RNF126: variants seen among roughly 807,000 people sequenced by gnomAD.
RNF126 encodes ring finger protein 126.
A neutral mutation model predicts 41.9 loss-of-function variants in RNF126; 20 were observed. The observed-to-expected ratio is 0.48, with a 90% confidence interval of 0.34 to 0.69. RNF126 has a LOEUF of 0.69. RNF126 is among the 30% of genes least tolerant of loss of function. The pLI is 0.01. For missense variants in RNF126, 433 were observed against 460.6 expected (o/e 0.94, Z 0.55); for synonymous variants, 239 against 202.9 (o/e 1.18, Z -1.51).
intron 1 of RNF126, among the ~76,000 whole-genome samples, chr19:653,276 G>A (rs543742781): frequency 5.2e-4 from 79 of 152,246 alleles, no homozygotes; most frequent in South Asian, 1.2e-3. Flanking sequence ...TTTCCAGGAC[G>A]CTCTGGCAGC....
At chr19:656,267 T>C (rs986266676) in intron 1 of RNF126, among the ~76,000 whole-genome samples, 2 of 152,040 alleles carry the variant, frequency 1.3e-5, no homozygotes, top group African/African-American at 4.8e-5. Flanking sequence ...CCAGGATCGC[T>C]TGAACCTGGG....
intron 1 of RNF126, among the ~76,000 whole-genome samples, chr19:657,505 C>T (rs1205029438): frequency 6.6e-6 from 1 of 152,226 alleles, no homozygotes; most frequent in Non-Finnish European, 1.5e-5. Context: ...ACAGCACTGT[C>T]CAGAACCCTC....
At chr19:649,215 C>T (rs1397124532) in intron 6 of RNF126, 14 of 91,548 alleles carry the variant, frequency 1.5e-4, no homozygotes, top group African/African-American at 3.1e-4. Flanking sequence ...TCCCTGACAG[C>T]GGAATGGGGG....
chr19:648,113 A>C lies in RNF126; in HGVS notation c.*15T>G. 3 of 1,555,522 alleles carry C rather than the reference A, an allele frequency of 1.9e-6. No homozygotes were observed. The highest frequency in any genetic ancestry group is 2.6e-6 in the Non-Finnish European group (3 of 1,146,306). On this transcript the variant is annotated 3_prime_UTR_variant, in exon 9 of 9. Coordinates refer to ENST00000292363, the MANE Select transcript of RNF126 (RefSeq NM_194460.3). ...GTGGGAAAGGCCCCGTGCTTTCCCG[A>C]CGGCCGACGTGGGCTCACGAGTTGC...
intron 4 of RNF126, 41 bp downstream of exon 4, chr19:651,570 A>G: frequency 7.2e-7 from 1 of 1,382,522 alleles, no homozygotes; most frequent in South Asian, 1.6e-5. Flanking sequence ...TTCCGACCTC[A>G]AGGCGTGGGG....
intron 5 of RNF126, among the ~76,000 whole-genome samples, chr19:649,973 G>A (rs2030193970): frequency 6.8e-6 from 1 of 147,688 alleles, no homozygotes; most frequent in South Asian, 2.1e-4. Flanking sequence ...ACCCTGGCTG[G>A]GGATGGGGAC....
Position 663,142 on chromosome 19 carries a change from C to G in RNF126, c.-21G>C. 8.5e-7 allele frequency: 1 copy of G among 1,176,316 alleles called. No individual in the cohort carries two copies. The highest frequency in any genetic ancestry group is 1.1e-6 in the Non-Finnish European group (1 of 945,918). The allele number at this position is 1,176,316 out of a possible 1,614,324, so 72.9% of individuals were successfully genotyped here. On this transcript the variant is annotated 5_prime_UTR_variant, in exon 1 of 9. Transcript: ENST00000292363. Reference sequence around the variant, plus strand: ...GCCATGGCCGCCGCCACCTACTCCGCGCCGCCCGCCCCCCGCGCGGCACCC... The same window carrying G: ...GCCATGGCCGCCGCCACCTACTCCGGGCCGCCCGCCCCCCGCGCGGCACCC...
At chr19:653,266 T>A (rs1600635436) in intron 1 of RNF126, among the ~76,000 whole-genome samples, 1 of 152,106 alleles carries the variant, frequency 6.6e-6, no homozygotes, top group African/African-American at 2.4e-5. Flanking sequence ...CACAGTGGCA[T>A]TTCCAGGACG....
intron 1 of RNF126, among the ~76,000 whole-genome samples, chr19:658,456 G>A (rs554759049): frequency 7.4e-4 from 113 of 152,258 alleles, no homozygotes; most frequent in South Asian, 4.8e-3. Flanking sequence ...ACCCCAGGGA[G>A]AGTCATGGTG....
chr19:661,725 TG>T lies in RNF126; in HGVS notation c.75+1321del, dbSNP rs1286447618. 6.6e-5 allele frequency among the ~76,000 whole-genome samples: 10 copies of T among 152,308 alleles called. No individual in the cohort carries two copies. In the South Asian group the frequency reaches 2.1e-3, roughly 32 times the overall value. On this transcript the variant is annotated intron_variant, in intron 1 of 8. Coordinates refer to ENST00000292363, the MANE Select transcript of RNF126 (RefSeq NM_194460.3). ...TACTCCCGGGGAACTGCACTGCTTC[TG>T]GGGGGCTTGGACTTCTCTTACGGGT...
intron 4 of RNF126, 28 bp from the exon 5 acceptor site, chr19:650,324 T>C (rs1374364963): frequency 3.2e-6 from 5 of 1,562,568 alleles, no homozygotes; most frequent in Non-Finnish European, 4.3e-6. Flanking sequence ...AGTCACGGGG[T>C]GAGGCCGCCC....
chr19:652,939 C>A (rs1600634881), intron 1 of RNF126, 55 bp from the exon 2 acceptor site: 5 of 1,537,132 alleles, frequency 3.3e-6, no homozygotes, highest in South Asian at 1.1e-5. Flanking sequence ...ACCTGCAAAC[C>A]CCCCCAAGTG....
chr19:652,211 G>A, intron 3 of RNF126, 22 bp downstream of exon 3: 1 of 1,509,602 alleles, frequency 6.6e-7, no homozygotes, highest in Admixed American at 2.8e-5. Flanking sequence ...CGATCGGGAA[G>A]CACGAGGGGC....
chr19:647,838 C>T lies in RNF126; in HGVS notation c.*290G>A, dbSNP rs925821017. 9.1e-5 allele frequency: 51 copies of T among 557,742 alleles called. No individual in the cohort carries two copies. Among genetic ancestry groups the T allele is most frequent in the Middle Eastern group, 4.8e-4 (1 of 2,076 alleles). 34.5% of individuals were successfully genotyped at this position (557,742 alleles called of 1,614,324 possible). A position where few individuals can be genotyped will look rare whatever the true frequency, so the allele number is the denominator to read the frequency against. On this transcript the variant is annotated 3_prime_UTR_variant, in exon 9 of 9. Transcript: ENST00000292363. ...GCTCAAACGTCCGTTTATTTCAAAGCAGTAATAATTTAAAATTATAAAAAT... is the reference window on the plus strand; with the variant it reads ...GCTCAAACGTCCGTTTATTTCAAAGTAGTAATAATTTAAAATTATAAAAAT...
intron 1 of RNF126, among the ~76,000 whole-genome samples, chr19:654,162 T>C (rs2030455212): frequency 6.6e-6 from 1 of 152,126 alleles, no homozygotes; most frequent in Non-Finnish European, 1.5e-5. Flanking sequence ...CTCCTGCCAC[T>C]GAAGCACAGG....
In RNF126 at chr19:652,484, T is replaced by C. The variant is rs2030357697; in HGVS notation, c.135-188A>G. The C allele has an allele frequency of 6.5e-6, 4 of 614,788 alleles. No individual in the cohort carries two copies. The Admixed American group carries it at 1.3e-4, about 20-fold the overall frequency. The allele number at this position is 614,788 out of a possible 1,614,324, so 38.1% of individuals were successfully genotyped here. A position where few individuals can be genotyped will look rare whatever the true frequency, so the allele number is the denominator to read the frequency against. On this transcript the variant is annotated intron_variant, in intron 2 of 8. Coordinates refer to ENST00000292363, the MANE Select transcript of RNF126 (RefSeq NM_194460.3). ...CCCTCGCCAGTAAACCACGGGTTTCTCGATAAACCGGTGCAGACCCCAACA... is the reference window on the plus strand; with the variant it reads ...CCCTCGCCAGTAAACCACGGGTTTCCCGATAAACCGGTGCAGACCCCAACA...
intron 1 of RNF126, among the ~76,000 whole-genome samples, chr19:655,294 C>T (rs1220561958): frequency 1.3e-5 from 2 of 150,946 alleles, no homozygotes; most frequent in African/African-American, 2.4e-5. Context: ...CCCACCACTG[C>T]GCTAGCCTGG....
chr19:660,885 C>A (rs1001842926), intron 1 of RNF126, among the ~76,000 whole-genome samples: 1 of 152,248 alleles, frequency 6.6e-6, no homozygotes, highest in East Asian at 1.9e-4. Flanking sequence ...CGCCTTGTTG[C>A]GTCCTGCTCC....
chr19:649,185 C>G, intron 6 of RNF126: 1 of 193,504 alleles, frequency 5.2e-6, no homozygotes, highest in Non-Finnish European at 9.9e-6. Context: ...GGGGAATGGG[C>G]GGAGGCCCGC....
Sources: allele counts gnomAD v4.1 joint callset (sites outside exome capture counted in the v4.1 genomes callset), GRCh38; gene constraint gnomAD v4.1.1; transcripts MANE v1.5; gene names NCBI Gene and HGNC (gene_info 2026-07-23, HGNC 2026-07-21).